Variants in OPRM1 observed in about 807,000 individuals in gnomAD.
OPRM1 encodes mu-type opioid receptor.
In OPRM1, 27 loss-of-function variants were observed where a neutral mutation model predicts 31.8. The ratio of observed to expected loss-of-function variants is 0.85; its 90% CI spans 0.63 to 1.17. The LOEUF (loss-of-function observed/expected upper bound fraction) is 1.17, where lower values mean the gene tolerates loss of function less well. OPRM1 is among the 50% of genes most tolerant of loss of function. OPRM1 has a pLI of 0.00. For synonymous variants in OPRM1, 196 were observed against 189.9 expected (o/e 1.03, Z -0.26); for missense variants, 536 against 511.1 (o/e 1.05, Z -0.47).
intron 3 of OPRM1, among the ~76,000 whole-genome samples, chr6:154,099,325 A>AAGGG (rs1277724411): frequency 2.4e-5 from 3 of 122,968 alleles, no homozygotes; most frequent in African/African-American, 9.0e-5. Context: ...GGAAGGAAGG[A>AAGGG]AGGAAGGGAG....
Position 154,119,334 on chromosome 6 carries a change from A to C in OPRM1, c.*613A>C. 1.0e-6 allele frequency: 1 copy of C among 985,248 alleles called. No homozygotes were observed. The allele number at this position is 985,248 out of a possible 1,614,324, so 61.0% of individuals were successfully genotyped here. Reference sequence around the variant, plus strand: ...CATAATTGCAAGGGAAGAGATTAGCATGAAAGGTAATCTGAAACACAGTCA... The same window carrying C: ...CATAATTGCAAGGGAAGAGATTAGCCTGAAAGGTAATCTGAAACACAGTCA... On this transcript the variant is annotated 3_prime_UTR_variant, in exon 4 of 4. Coordinates refer to ENST00000330432, the MANE Select transcript of OPRM1 (RefSeq NM_000914.5).
chr6:154,107,625 T>A (rs1397663971), intron 3 of OPRM1: 1 of 718,544 alleles, frequency 1.4e-6, no homozygotes, highest in Admixed American at 2.0e-5. Context: ...GAGCTGACTA[T>A]GACATGAACC....
chr6:154,149,855 C>A (rs1798453303), intron 3 of OPRM1, among the ~76,000 whole-genome samples: 1 of 152,072 alleles, frequency 6.6e-6, no homozygotes. Flanking sequence ...CTCTACTATT[C>A]CAGAATTCTG....
intron 3 of OPRM1, among the ~76,000 whole-genome samples, chr6:154,186,698 A>G (rs932018158): frequency 2.6e-5 from 4 of 151,902 alleles, no homozygotes; most frequent in Non-Finnish European, 4.4e-5. Flanking sequence ...CTGGGACTAC[A>G]GGCGCCCGCC....
At chr6:154,068,547 T>C (rs998057885) in intron 1 of OPRM1, among the ~76,000 whole-genome samples, 2 of 152,208 alleles carry the variant, frequency 1.3e-5, no homozygotes, top group South Asian at 4.1e-4. Flanking sequence ...CCTTCTTTTT[T>C]ATGGCTAAGT....
chr6:154,232,634 A>G lies in OPRM1; in HGVS notation c.1165-14059A>G, dbSNP rs189055089. Among the ~76,000 whole-genome samples, 676 of 152,270 alleles carry G rather than the reference A, an allele frequency of 4.4e-3. 7 individuals are homozygous for G. Among genetic ancestry groups the G allele is most frequent in the African/African-American group, 0.016 (648 of 41,560 alleles). ...TAGGCTCAGGAACTGAAATGGGAGG[A>G]GGAGAGAATCTGCAGTCAACACATG... On this transcript the variant is annotated intron_variant, in intron 3 of 3. Transcript: ENST00000337049.
At chr6:154,103,033 A>T (rs1171132136) in intron 3 of OPRM1, among the ~76,000 whole-genome samples, 1 of 152,108 alleles carries the variant, frequency 6.6e-6, no homozygotes, top group Non-Finnish European at 1.5e-5. Context: ...TCAGCTTGAG[A>T]CACTATTAAG....
At chr6:154,137,905 A>T (rs886718289) in intron 3 of OPRM1, among the ~76,000 whole-genome samples, 1 of 152,230 alleles carries the variant, frequency 6.6e-6, no homozygotes, top group Non-Finnish European at 1.5e-5. Flanking sequence ...GCTGAGACCC[A>T]TCTTTCTGTT....
rs756128799 is a variant in OPRM1 at position 154,089,937 on chromosome 6, A to G, written c.402A>G (p.Thr134=). ...AGAGTGTGAATTACCTAATGGGAAC[A>G]TGGCCATTTGGAACCATCCTTTGCA... The part of the protein sequence containing the change: ...PFQSVNYLMG[T]WPFGTILCKI... Residue 134 remains threonine, a synonymous_variant, in exon 2 of 4, where the codon ACA becomes ACG. Coordinates refer to ENST00000330432, the MANE Select transcript of OPRM1 (RefSeq NM_000914.5). The G allele has an allele frequency of 2.5e-6, 4 of 1,613,924 alleles. No homozygotes were observed. In the South Asian group the frequency reaches 4.4e-5, roughly 18 times the overall value.
intron 3 of OPRM1, among the ~76,000 whole-genome samples, chr6:154,236,669 CTGACCTGCTGTTAA>C (rs1780160411): frequency 1.3e-5 from 2 of 152,154 alleles, no homozygotes; most frequent in South Asian, 4.1e-4. Context: ...ATATCAGTGG[CTGACCTGCTGTTAA>C]TGAGCACCAT....
intron 3 of OPRM1, among the ~76,000 whole-genome samples, chr6:154,161,643 T>C (rs1290391349): frequency 6.6e-6 from 1 of 152,192 alleles, no homozygotes; most frequent in African/African-American, 2.4e-5. Flanking sequence ...AATGATGCCC[T>C]CTGAGAACTT....
upstream of OPRM1, among the ~76,000 whole-genome samples, chr6:154,034,326 C>T (rs890147006): frequency 1.3e-5 from 2 of 152,136 alleles, no homozygotes; most frequent in Non-Finnish European, 2.9e-5. Context: ...AGGCAGATGA[C>T]GAGGTCAGGA....
At chr6:154,232,440 G>A (rs1002312779) in intron 3 of OPRM1, among the ~76,000 whole-genome samples, 2 of 152,098 alleles carry the variant, frequency 1.3e-5, no homozygotes, top group Non-Finnish European at 2.9e-5. Flanking sequence ...AGCCTTAAGA[G>A]GAAAATTAAT....
intron 3 of OPRM1, among the ~76,000 whole-genome samples, chr6:154,239,171 A>G (rs553305314): frequency 9.2e-5 from 14 of 152,332 alleles, no homozygotes; most frequent in African/African-American, 3.4e-4. Flanking sequence ...TTAATTTTGA[A>G]AAGTTTGGAA....
chr6:154,078,253 C>T (rs1023205997), intron 1 of OPRM1, among the ~76,000 whole-genome samples: 3 of 152,214 alleles, frequency 2.0e-5, no homozygotes, highest in African/African-American at 4.8e-5. Context: ...GTCCTCTCTT[C>T]TAAACTCCAT....
At chr6:154,215,978 T>C (rs1778362203) in intron 3 of OPRM1, among the ~76,000 whole-genome samples, 1 of 152,200 alleles carries the variant, frequency 6.6e-6, no homozygotes, top group South Asian at 2.1e-4. Flanking sequence ...ATTTCAAGTA[T>C]TTAGCAGGAA....
At chr6:154,152,389 A>G (rs542517628) in intron 3 of OPRM1, among the ~76,000 whole-genome samples, 1 of 151,218 alleles carries the variant, frequency 6.6e-6, no homozygotes, top group Admixed American at 6.6e-5. Flanking sequence ...AGAAAGAAAG[A>G]AAGAGAAATA....
rs943350347 is a variant in OPRM1, at chr6:154,129,100, T to C, written c.*10379T>C. On this transcript the variant is annotated 3_prime_UTR_variant, in exon 4 of 4. Coordinates refer to ENST00000330432, the MANE Select transcript of OPRM1 (RefSeq NM_000914.5). ...TCAGCTGGGAGCATCGACCAGCTAC[T>C]GTCTCAAAATCCAAGCTCCCTGAGT... is the stretch of plus-strand genomic sequence containing the variant. Among the ~76,000 whole-genome samples the C allele has an allele frequency of 6.6e-6, 1 of 152,206 alleles. No individual in the cohort carries two copies. Among genetic ancestry groups the C allele is most frequent in the African/African-American group, 2.4e-5 (1 of 41,448 alleles).
intron 3 of OPRM1, among the ~76,000 whole-genome samples, chr6:154,215,893 A>G (rs1216132224): frequency 5.3e-5 from 8 of 152,198 alleles, no homozygotes; most frequent in African/African-American, 1.9e-4. Context: ...CCTCAATAGT[A>G]TTTTGAGAAA....
Sources: gnomAD v4.1 joint callset for allele counts (sites outside exome capture counted in the v4.1 genomes callset) on GRCh38, gnomAD v4.1.1 for gene constraint, MANE v1.5 for transcripts, NCBI Gene and HGNC (gene_info 2026-07-23, HGNC 2026-07-21) for gene names.